Variants in APOE observed in about 807,000 individuals in gnomAD.
APOE encodes apolipoprotein E, also known as apolipoprotein E3.
Under a neutral mutation model 13.1 loss-of-function variants are expected in APOE, and 10 were observed. That is an observed-to-expected ratio of 0.76 (90% CI 0.47 to 1.29). APOE has a LOEUF of 1.29. Ranked by LOEUF, APOE falls within the 50% of genes most tolerant of loss-of-function variation. APOE has a pLI of 0.00. For missense variants in APOE, 471 were observed against 459.6 expected, an observed-to-expected ratio of 1.02 and a Z score of -0.23; for synonymous variants, 211 against 207.1, an observed-to-expected ratio of 1.02 and a Z score of -0.16.
chr19:44,906,942 G>C (rs1024756137), intron 2 of APOE: 2 of 492,612 alleles, frequency 4.1e-6, no homozygotes, highest in South Asian at 2.2e-5. Context: ...GTGCAGTGGC[G>C]GGATCTCGGC....
chr19:44,908,815 G>C lies in APOE; in HGVS notation c.519G>C (p.Leu173=). Reference sequence around the variant, plus strand: ...GGCTCCTCCGCGATGCCGATGACCTGCAGAAGCGCCTGGCAGTGTACCAGG... The same window carrying C: ...GGCTCCTCCGCGATGCCGATGACCTCCAGAAGCGCCTGGCAGTGTACCAGG... The part of the protein sequence containing the change: ...RKRLLRDADD[L]QKRLAVYQAG... Residue 173 remains leucine, a synonymous_variant, in exon 4 of 4, where the codon CTG becomes CTC. Coordinates refer to ENST00000252486, the MANE Select transcript of APOE (RefSeq NM_000041.4). 1 of 1,543,720 alleles carries C rather than the reference G, an allele frequency of 6.5e-7. No individual in the cohort carries two copies. The highest frequency in any genetic ancestry group is 8.7e-7 in the Non-Finnish European group (1 of 1,149,686).
chr19:44,908,466 C>A, intron 3 of APOE, 67 bp from the exon 4 acceptor site: 3 of 1,537,236 alleles, frequency 2.0e-6, no homozygotes, highest in East Asian at 2.3e-5. Context: ...CCCCATCTCG[C>A]CCGCCCCATC....
Position 44,908,517 on chromosome 19 carries a change from G to T in APOE, c.237-16G>T, listed in dbSNP as rs537609941. 1.3e-6 allele frequency: 2 copies of T among 1,559,150 alleles called. No individual in the cohort carries two copies. The highest frequency in any genetic ancestry group is 2.3e-5 in the South Asian group (2 of 85,750). ...GCCTCCCACTGTGCGACACCCTCCC[G>T]CCCTCTCGGCCGCAGGGCGCTGATG... On this transcript the variant is annotated splice_polypyrimidine_tract_variant and intron_variant, in intron 3 of 3. Coordinates refer to ENST00000252486, the MANE Select transcript of APOE (RefSeq NM_000041.4).
intron 1 of APOE, 189 bp downstream of exon 1, chr19:44,906,030 C>T (rs1483094554): frequency 2.5e-6 from 2 of 793,804 alleles, no homozygotes; most frequent in Non-Finnish European, 3.5e-6. Context: ...CAGAGACGAC[C>T]CGACCCGCTA....
At chr19:44,908,026 C>A in intron 3 of APOE, 74 bp downstream of exon 3, 1 of 1,449,238 alleles carries the variant, frequency 6.9e-7, no homozygotes, top group Non-Finnish European at 9.5e-7. Context: ...TTTCATTCTG[C>A]CCCTGTCGCT....
intron 2 of APOE, chr19:44,906,987 T>A (rs1377758308): frequency 1.6e-5 from 6 of 375,864 alleles, no homozygotes; most frequent in Non-Finnish European, 3.0e-5. Flanking sequence ...TCCACGCCAT[T>A]CTCCTGCCTC....
At position 44,909,216 on chromosome 19, in the gene APOE, C is replaced by T. The variant is rs770562611; in HGVS notation, c.920C>T (p.Thr307Ile). ...LVEKVQAAVG[T>I]SAAPVPSDNH ...GAGAAGGTGCAGGCTGCCGTGGGCACCAGCGCCGCCCCTGTGCCCAGCGAC... is the reference window on the plus strand; with the variant it reads ...GAGAAGGTGCAGGCTGCCGTGGGCATCAGCGCCGCCCCTGTGCCCAGCGAC... The change falls in exon 4 of 4, where the codon ACC (threonine) becomes ATC (isoleucine). Residue 307 changes from threonine to isoleucine, a missense_variant. Transcript: ENST00000252486. 4 of 1,596,800 alleles carry T rather than the reference C, an allele frequency of 2.5e-6. No homozygotes were observed. The highest frequency in any genetic ancestry group is 1.1e-5 in the South Asian group (1 of 90,816).
At chr19:44,908,472 C>G in intron 3 of APOE, 61 bp from the exon 4 acceptor site, 1 of 1,567,540 alleles carries the variant, frequency 6.4e-7, no homozygotes, top group Non-Finnish European at 8.8e-7. Context: ...CTCGCCCGCC[C>G]CATCCCAGCC....
At chr19:44,906,702 C>T in intron 2 of APOE, 35 bp downstream of exon 2, 12 of 1,606,432 alleles carry the variant, frequency 7.5e-6, no homozygotes, top group Non-Finnish European at 1.0e-5. Flanking sequence ...TCCCCCCGCT[C>T]CTCCCCCTCT....
intron 1 of APOE, chr19:44,906,048 G>A (rs1355523803): frequency 6.8e-6 from 4 of 585,730 alleles, no homozygotes; most frequent in Non-Finnish European, 1.0e-5. Flanking sequence ...CTAGAAGGTG[G>A]GGTGGGGAGA....
intron 1 of APOE, chr19:44,906,063 C>T (rs1969801201): frequency 6.4e-6 from 3 of 470,006 alleles, no homozygotes; most frequent in Non-Finnish European, 1.0e-5. Context: ...GGGAGAGCAG[C>T]TGGACTGGGA....
rs144354013 is a variant in APOE, at chr19:44,906,655, A to T, written c.31A>T (p.Thr11Ser). 102 of 1,613,792 alleles carry T rather than the reference A, an allele frequency of 6.3e-5. No individual in the cohort carries two copies. Among genetic ancestry groups the T allele is most frequent in the Non-Finnish European group, 8.6e-5 (101 of 1,179,968 alleles). ...GGTTCTGTGGGCTGCGTTGCTGGTC[A>T]CATTCCTGGCAGGTATGGGGGCGGG... is the stretch of plus-strand genomic sequence containing the variant. MKVLWAALLV[T>S]FLAGCQAKVE... The change falls in exon 2 of 4, where the codon ACA (threonine) becomes TCA (serine). Residue 11 changes from threonine (T) to serine (S), a missense_variant. Physicochemically the swap from Thr to Ser is moderately conservative, Grantham distance 58. Coordinates refer to ENST00000252486, the MANE Select transcript of APOE (RefSeq NM_000041.4).
Position 44,909,085 on chromosome 19 carries a change from G to A in APOE, c.789G>A (p.Glu263=), listed in dbSNP as rs1427053863. Residue 263 remains glutamate, a synonymous_variant, in exon 4 of 4, where the codon GAG becomes GAA. Transcript: ENST00000252486. ...QVAEVRAKLE[E]QAQQIRLQAE... ...CGGAGGTGCGCGCCAAGCTGGAGGAGCAGGCCCAGCAGATACGCCTGCAGG... is the reference window on the plus strand; with the variant it reads ...CGGAGGTGCGCGCCAAGCTGGAGGAACAGGCCCAGCAGATACGCCTGCAGG... The A allele has an allele frequency of 1.3e-6, 2 of 1,582,330 alleles. No individual in the cohort carries two copies. Among genetic ancestry groups the A allele is most frequent in the South Asian group, 1.1e-5 (1 of 88,024 alleles).
At chr19:44,908,111 G>A (rs1280972676) in intron 3 of APOE, among the ~76,000 whole-genome samples, 159 bp downstream of exon 3, 1 of 152,112 alleles carries the variant, frequency 6.6e-6, no homozygotes, top group Admixed American at 6.6e-5. Flanking sequence ...TTAGCTCTCT[G>A]GAATTCTCTC....
At position 44,908,967 on chromosome 19, in the gene APOE, G is replaced by T. The variant is rs1425703838; in HGVS notation, c.671G>T (p.Arg224Leu). 12 of 1,529,026 alleles carry T rather than the reference G, an allele frequency of 7.8e-6. No homozygotes were observed. The highest frequency in any genetic ancestry group is 1.0e-5 in the Non-Finnish European group (12 of 1,143,634). 94.7% of individuals were successfully genotyped at this position (1,529,026 alleles called of 1,614,324 possible). ...GSLAGQPLQE[R>L]AQAWGERLRA... Reference sequence around the variant, plus strand: ...CTGGCCGGCCAGCCGCTACAGGAGCGGGCCCAGGCCTGGGGCGAGCGGCTG... The same window carrying T: ...CTGGCCGGCCAGCCGCTACAGGAGCTGGCCCAGGCCTGGGGCGAGCGGCTG... Residue 224 changes from arginine (R) to leucine (L), a missense_variant, in exon 4 of 4, where the codon CGG (arginine) becomes CTG (leucine). Coordinates refer to ENST00000252486, the MANE Select transcript of APOE (RefSeq NM_000041.4).
At chr19:44,908,016 T>C in intron 3 of APOE, 64 bp downstream of exon 3, 1 of 1,508,330 alleles carries the variant, frequency 6.6e-7, no homozygotes, top group Non-Finnish European at 9.1e-7. Context: ...CAGGTCCAGG[T>C]TTCATTCTGC....
At position 44,909,314 on chromosome 19, in the gene APOE, C is replaced by T; in HGVS notation, c.*64C>T. On this transcript the variant is annotated 3_prime_UTR_variant, in exon 4 of 4. Transcript: ENST00000252486. ...GTGCCTCCTGCCTCCGCGCAGCCTGCAGCGGGAGACCCTGTCCCCGCCCCA... is the reference window on the plus strand; with the variant it reads ...GTGCCTCCTGCCTCCGCGCAGCCTGTAGCGGGAGACCCTGTCCCCGCCCCA... 1.4e-6 allele frequency: 2 copies of T among 1,473,530 alleles called. No homozygotes were observed. The highest frequency in any genetic ancestry group is 2.3e-5 in the South Asian group (2 of 87,382). The allele number at this position is 1,473,530 out of a possible 1,614,324, so 91.3% of individuals were successfully genotyped here. A position where few individuals can be genotyped will look rare whatever the true frequency, so the allele number is the denominator to read the frequency against.
intron 1 of APOE, 158 bp from the exon 2 acceptor site, chr19:44,906,444 A>G (rs1969808169): frequency 4.1e-6 from 3 of 729,556 alleles, no homozygotes; most frequent in Admixed American, 2.0e-5. Context: ...TAAATAGGGA[A>G]TGGGTTGGGG....
At position 44,908,902 on chromosome 19, in the gene APOE, G is replaced by A. The variant is rs1478080731; in HGVS notation, c.606G>A (p.Leu202=). The A allele has an allele frequency of 1.4e-6, 2 of 1,473,142 alleles. No homozygotes were observed. Among genetic ancestry groups the A allele is most frequent in the Non-Finnish European group, 8.9e-7 (1 of 1,120,714 alleles). The allele number at this position is 1,473,142 out of a possible 1,614,324, so 91.3% of individuals were successfully genotyped here. The part of the protein sequence containing the change: ...LSAIRERLGP[L]VEQGRVRAAT... ...CCATCCGCGAGCGCCTGGGGCCCCT[G>A]GTGGAACAGGGCCGCGTGCGGGCCG... Residue 202 remains leucine (L), a synonymous_variant, in exon 4 of 4, where the codon CTG becomes CTA. Coordinates refer to ENST00000252486, the MANE Select transcript of APOE (RefSeq NM_000041.4).
Sources: allele counts gnomAD v4.1 joint callset (sites outside exome capture counted in the v4.1 genomes callset), GRCh38; gene constraint gnomAD v4.1.1; transcripts MANE v1.5; gene names NCBI Gene and HGNC (gene_info 2026-07-23, HGNC 2026-07-21).